BCKDHB: variants seen among roughly 807,000 people sequenced by gnomAD.
BCKDHB encodes 2-oxoisovalerate dehydrogenase subunit beta, mitochondrial.
BCKDHB carries 41 observed loss-of-function variants against 48.5 expected under a neutral mutation model. The ratio of observed to expected loss-of-function variants is 0.85; its 90% CI spans 0.66 to 1.10. BCKDHB has a LOEUF of 1.10. Ranked by LOEUF, BCKDHB falls within the 50% of genes least tolerant of loss-of-function variation. BCKDHB has a pLI of 0.00. For synonymous variants in BCKDHB, 201 were observed against 174.8 expected, an observed-to-expected ratio of 1.15 and a Z score of -1.18; for missense variants, 496 against 494.2, an observed-to-expected ratio of 1.00 and a Z score of -0.03.
chr6:80,434,979 T>C, the BCKDHB span, among the ~76,000 whole-genome samples: 1 of 152,200 alleles, frequency 6.6e-6, no homozygotes, highest in Non-Finnish European at 1.5e-5. Flanking sequence ...TCTTCAGCAC[T>C]CTTTTCTGCA....
the BCKDHB span, among the ~76,000 whole-genome samples, chr6:80,423,918 A>G: frequency 3.3e-5 from 5 of 152,164 alleles, no homozygotes; most frequent in South Asian, 1.0e-3. Flanking sequence ...GGCAAAGTAT[A>G]CTCTGGTTTA....
At chr6:80,305,321 GT>G (rs1767806737) in intron 9 of BCKDHB, among the ~76,000 whole-genome samples, 1 of 151,938 alleles carries the variant, frequency 6.6e-6, no homozygotes, top group South Asian at 2.1e-4. Context: ...AAAAGACTAT[GT>G]TCACAGATAG....
At chr6:80,241,114 T>C (rs939596102) in intron 8 of BCKDHB, among the ~76,000 whole-genome samples, 7 of 152,220 alleles carry the variant, frequency 4.6e-5, no homozygotes, top group African/African-American at 1.7e-4. Context: ...TCATTTAAGG[T>C]CTTCTCTATG....
At chr6:80,364,421 C>T in the BCKDHB span, among the ~76,000 whole-genome samples, 1 of 152,114 alleles carries the variant, frequency 6.6e-6, no homozygotes, top group African/African-American at 2.4e-5. Context: ...GGAGGAGATC[C>T]AGGTCTATTT....
the BCKDHB span, among the ~76,000 whole-genome samples, chr6:80,351,750 C>G: frequency 6.8e-6 from 1 of 147,408 alleles, no homozygotes; most frequent in African/African-American, 2.5e-5. Flanking sequence ...TCAAGCAATT[C>G]TCCCACCTCA....
chr6:80,339,461 A>C (rs1769782891), intron 9 of BCKDHB, among the ~76,000 whole-genome samples: 2 of 152,220 alleles, frequency 1.3e-5, no homozygotes, highest in Admixed American at 6.5e-5. Context: ...AAAATAGTCA[A>C]ATGAAGATAT....
the BCKDHB span, among the ~76,000 whole-genome samples, chr6:80,437,958 G>A: frequency 6.6e-6 from 1 of 152,160 alleles, no homozygotes; most frequent in African/African-American, 2.4e-5. Context: ...TTGGTGCACT[G>A]TCTTCCTATG....
rs1399694655 is a variant in BCKDHB, at chr6:80,171,278, G to C, written c.634-4G>C. Reference sequence around the variant, plus strand: ...AATTGTCTTAAAAAAATCTGTTTTTGCAGGTGGTTATACCCAGAAGCCCTT... The same window carrying C: ...AATTGTCTTAAAAAAATCTGTTTTTCCAGGTGGTTATACCCAGAAGCCCTT... On this transcript the variant is annotated splice_polypyrimidine_tract_variant and splice_region_variant and intron_variant, in intron 5 of 9. Coordinates refer to ENST00000320393, the MANE Select transcript of BCKDHB (RefSeq NM_183050.4). The C allele has an allele frequency of 1.3e-6, 2 of 1,590,468 alleles. No individual in the cohort carries two copies. The highest frequency in any genetic ancestry group is 4.5e-5 in the East Asian group (2 of 44,486).
intron 8 of BCKDHB, among the ~76,000 whole-genome samples, chr6:80,205,124 G>A (rs942936744): frequency 1.3e-5 from 2 of 151,834 alleles, no homozygotes; most frequent in Non-Finnish European, 2.9e-5. Flanking sequence ...GTTTTCTTTT[G>A]ATGTATCAAA....
intron 8 of BCKDHB, among the ~76,000 whole-genome samples, chr6:80,267,008 A>T (rs1024063792): frequency 1.3e-5 from 2 of 152,064 alleles, no homozygotes; most frequent in Non-Finnish European, 2.9e-5. Context: ...CCCATGAAAA[A>T]AAATTCCTCA....
chr6:80,402,112 T>C, the BCKDHB span, among the ~76,000 whole-genome samples: 1 of 151,758 alleles, frequency 6.6e-6, no homozygotes, highest in African/African-American at 2.4e-5. Context: ...GTAATTTTAT[T>C]TTTATTTTTG....
downstream of BCKDHB, among the ~76,000 whole-genome samples, chr6:80,347,699 A>G (rs868276738): frequency 6.6e-6 from 1 of 152,352 alleles, no homozygotes; most frequent in South Asian, 2.1e-4. Context: ...AAATGCCTGT[A>G]TTTGAAAGCC....
At chr6:80,407,808 A>G in the BCKDHB span, among the ~76,000 whole-genome samples, 1 of 152,288 alleles carries the variant, frequency 6.6e-6, no homozygotes, top group Non-Finnish European at 1.5e-5. Flanking sequence ...AAACAGGGAC[A>G]ATTTGACTTC....
intron 3 of BCKDHB, among the ~76,000 whole-genome samples, chr6:80,149,689 G>A (rs1771667530): frequency 6.6e-6 from 1 of 151,010 alleles, no homozygotes; most frequent in South Asian, 2.1e-4. Context: ...GGACATGGAT[G>A]AAATTGGAAA....
At chr6:80,219,135 T>C (rs1028466474) in intron 8 of BCKDHB, among the ~76,000 whole-genome samples, 1 of 152,198 alleles carries the variant, frequency 6.6e-6, no homozygotes, top group Non-Finnish European at 1.5e-5. Flanking sequence ...TCATTTTCTC[T>C]TTGAAAAATC....
intron 6 of BCKDHB, among the ~76,000 whole-genome samples, chr6:80,186,326 T>C (rs1773638578): frequency 6.6e-6 from 1 of 152,098 alleles, no homozygotes; most frequent in Non-Finnish European, 1.5e-5. Context: ...TGCTGTGTCA[T>C]ACTGGTCGCC....
At chr6:80,455,248 T>G in the BCKDHB span, among the ~76,000 whole-genome samples, 1 of 152,086 alleles carries the variant, frequency 6.6e-6, no homozygotes, top group Non-Finnish European at 1.5e-5. Flanking sequence ...CCACACCTAC[T>G]GAAACATAAA....
At chr6:80,298,572 AT>A (rs889355258) in intron 9 of BCKDHB, among the ~76,000 whole-genome samples, 1 of 152,222 alleles carries the variant, frequency 6.6e-6, no homozygotes, top group Non-Finnish European at 1.5e-5. Flanking sequence ...CAGATATCAA[AT>A]CAGAAAGGAC....
intron 8 of BCKDHB, among the ~76,000 whole-genome samples, chr6:80,259,004 C>T (rs1430973968): frequency 6.6e-6 from 1 of 152,082 alleles, no homozygotes; most frequent in Non-Finnish European, 1.5e-5. Context: ...TGTAAGATGT[C>T]CTGGCATGGG....
Sources: gnomAD v4.1 joint callset for allele counts (sites outside exome capture counted in the v4.1 genomes callset) on GRCh38, gnomAD v4.1.1 for gene constraint, MANE v1.5 for transcripts, NCBI Gene and HGNC (gene_info 2026-07-23, HGNC 2026-07-21) for gene names.